Variants in KCND3 observed in about 807,000 individuals in gnomAD.
The protein encoded by KCND3 is potassium voltage-gated channel subfamily D member 3.
Under a neutral mutation model 51.1 loss-of-function variants are expected in KCND3, and 9 were observed. The observed-to-expected ratio is 0.18, with a 90% CI of 0.11 to 0.31. The LOEUF is 0.31. KCND3 is among the 10% of genes least tolerant of loss of function. The pLI is 1.00. For missense variants in KCND3, 526 were observed against 903.8 expected, an observed-to-expected ratio of 0.58 and a Z score of 5.36; for synonymous variants, 349 against 368.0, an observed-to-expected ratio of 0.95 and a Z score of 0.59.
rs76436114 is a variant in KCND3, at chr1:111,772,625, C to A, written c.*3452G>T. 6.6e-6 allele frequency: 1 copy of A among 152,188 alleles called. No homozygotes were observed. Among genetic ancestry groups the A allele is most frequent in the Non-Finnish European group, 1.5e-5 (1 of 68,030 alleles). The allele number at this position is 152,188 out of a possible 1,614,324, so 9.4% of individuals were successfully genotyped here. A position where few individuals can be genotyped will look rare whatever the true frequency, so the allele number is the denominator to read the frequency against. ...TGACCTTGAACAAGTCATTTAATTT[C>A]TCTGGGTCTCAGTTTTCTATACTGT... On this transcript the variant is annotated 3_prime_UTR_variant, in exon 8 of 8. Coordinates refer to ENST00000302127, the MANE Select transcript of KCND3 (RefSeq NM_001378969.1).
chr1:111,775,660 T>C lies in KCND3; in HGVS notation c.*417A>G. The C allele has an allele frequency of 3.6e-6, 1 of 276,656 alleles. No individual in the cohort carries two copies. 17.1% of individuals were successfully genotyped at this position (276,656 alleles called of 1,614,324 possible). A position where few individuals can be genotyped will look rare whatever the true frequency, so the allele number is the denominator to read the frequency against. On this transcript the variant is annotated 3_prime_UTR_variant, in exon 8 of 8. Coordinates refer to ENST00000302127, the MANE Select transcript of KCND3 (RefSeq NM_001378969.1). ...CTTAAATACACAGTGTTATATTTTCTTCCTGTTTTGCTTGTGACAACTTGG... is the reference window on the plus strand; with the variant it reads ...CTTAAATACACAGTGTTATATTTTCCTCCTGTTTTGCTTGTGACAACTTGG...
At chr1:111,974,776 A>C (rs1462759017) in intron 2 of KCND3, among the ~76,000 whole-genome samples, 1 of 152,212 alleles carries the variant, frequency 6.6e-6, no homozygotes, top group Non-Finnish European at 1.5e-5. Flanking sequence ...AAAGAGGGAA[A>C]CCCAAACAAA....
At chr1:111,984,966 A>G (rs890206738) in intron 1 of KCND3, among the ~76,000 whole-genome samples, 22 of 152,198 alleles carry the variant, frequency 1.4e-4, no homozygotes, top group African/African-American at 5.1e-4. Flanking sequence ...AGCTAGGATT[A>G]CACACACTTT....
intron 2 of KCND3, among the ~76,000 whole-genome samples, chr1:111,896,402 T>C (rs770555047): frequency 1.3e-5 from 2 of 152,184 alleles, no homozygotes; most frequent in Non-Finnish European, 2.9e-5. Flanking sequence ...ACATGACATG[T>C]TCTCTGGAAA....
At chr1:111,827,021 T>A (rs762418357) in intron 2 of KCND3, among the ~76,000 whole-genome samples, 5 of 152,228 alleles carry the variant, frequency 3.3e-5, no homozygotes, top group Non-Finnish European at 7.3e-5. Flanking sequence ...CCACTGAGCA[T>A]TTTCTTTGTG....
intron 2 of KCND3, among the ~76,000 whole-genome samples, chr1:111,788,940 C>T (rs987044014): frequency 3.3e-5 from 5 of 152,216 alleles, no homozygotes; most frequent in African/African-American, 1.2e-4. Context: ...CTGAAAACCA[C>T]AGTCTCTGTT....
At chr1:111,923,291 G>C (rs951437749) in intron 2 of KCND3, among the ~76,000 whole-genome samples, 1 of 152,196 alleles carries the variant, frequency 6.6e-6, no homozygotes, top group African/African-American at 2.4e-5. Flanking sequence ...CACAGCATCA[G>C]ACACGACCAG....
At chr1:111,967,160 CAA>C (rs573768056) in intron 2 of KCND3, among the ~76,000 whole-genome samples, 1 of 134,798 alleles carries the variant, frequency 7.4e-6, no homozygotes, top group Non-Finnish European at 1.6e-5. Context: ...AAAACAAAAA[CAA>C]AAAAAAAAAC....
chr1:111,987,027 G>T (rs2102014704), intron 1 of KCND3, among the ~76,000 whole-genome samples: 1 of 152,282 alleles, frequency 6.6e-6, no homozygotes, highest in South Asian at 2.1e-4. Flanking sequence ...GAATCTTGAG[G>T]GGGTTCAAGA....
chr1:111,909,020 C>T (rs558376222), intron 2 of KCND3, among the ~76,000 whole-genome samples: 2 of 146,764 alleles, frequency 1.4e-5, no homozygotes, highest in East Asian at 4.1e-4. Flanking sequence ...TAAACAGTTT[C>T]TATAGGCATC....
intron 2 of KCND3, among the ~76,000 whole-genome samples, chr1:111,812,002 C>T (rs923891180): frequency 6.6e-5 from 10 of 152,280 alleles, no homozygotes; most frequent in Non-Finnish European, 1.5e-4. Flanking sequence ...ACGCCGGGCA[C>T]GTCAGCCTTC....
chr1:111,891,644 T>C (rs1009032859), intron 2 of KCND3, among the ~76,000 whole-genome samples: 1 of 152,166 alleles, frequency 6.6e-6, no homozygotes, highest in African/African-American at 2.4e-5. Flanking sequence ...ATCACATGGG[T>C]TACCAGCAAA....
At chr1:111,884,727 T>G (rs1201830665) in intron 2 of KCND3, among the ~76,000 whole-genome samples, 2 of 152,224 alleles carry the variant, frequency 1.3e-5, no homozygotes, top group African/African-American at 4.8e-5. Context: ...AAAAAAGAAT[T>G]GCATGTTAAT....
At chr1:111,927,274 G>A (rs1424581887) in intron 2 of KCND3, among the ~76,000 whole-genome samples, 1 of 152,172 alleles carries the variant, frequency 6.6e-6, no homozygotes, top group African/African-American at 2.4e-5. Context: ...TGAGGAGCAG[G>A]GCTCCCTCTT....
At chr1:111,960,451 C>A (rs900552794) in intron 2 of KCND3, among the ~76,000 whole-genome samples, 4 of 152,222 alleles carry the variant, frequency 2.6e-5, no homozygotes, top group African/African-American at 4.8e-5. Context: ...GGGTGGGGAA[C>A]TATATGAGCT....
chr1:111,979,528 C>T (rs1674824104), intron 2 of KCND3, among the ~76,000 whole-genome samples: 1 of 152,082 alleles, frequency 6.6e-6, no homozygotes, highest in South Asian at 2.1e-4. Context: ...AGTAATAACC[C>T]TGAAGGTCTG....
intron 2 of KCND3, among the ~76,000 whole-genome samples, chr1:111,838,430 G>A (rs1667169016): frequency 6.6e-6 from 1 of 152,130 alleles, no homozygotes; most frequent in Non-Finnish European, 1.5e-5. Context: ...GGCCAAGGCG[G>A]GCGGATCACG....
rs1006924516 is a variant in KCND3 at position 111,891,959 on chromosome 1, C to CGTGTGTGTCTGT, written c.1106+89650_1106+89661dup. On this transcript the variant is annotated intron_variant, in intron 2 of 7. Transcript: ENST00000302127. Reference sequence around the variant, plus strand: ...ATTTAGCCTGTGTGTGTGTGGTGTGCGTGTGTGTCTGTGTGTGTGTCTGTG... The same window carrying CGTGTGTGTCTGT: ...ATTTAGCCTGTGTGTGTGTGGTGTGCGTGTGTGTCTGTGTGTGTGTCTGTGTGTGTGTCTGTG... Among the ~76,000 whole-genome samples, 10 of 139,212 alleles carry CGTGTGTGTCTGT rather than the reference C, an allele frequency of 7.2e-5. 1 individual carries two copies. In the South Asian group the frequency reaches 2.3e-3, roughly 32 times the overall value. 91.3% of individuals were successfully genotyped at this position (139,212 alleles called of 152,430 possible).
intron 2 of KCND3, among the ~76,000 whole-genome samples, chr1:111,950,622 G>A (rs1212342961): frequency 6.6e-6 from 1 of 152,232 alleles, no homozygotes; most frequent in Non-Finnish European, 1.5e-5. Flanking sequence ...TGAAAGGCAG[G>A]CAGATGAAGG....
Sources: gnomAD v4.1 joint callset for allele counts (sites outside exome capture counted in the v4.1 genomes callset) on GRCh38, gnomAD v4.1.1 for gene constraint, MANE v1.5 for transcripts, NCBI Gene and HGNC (gene_info 2026-07-23, HGNC 2026-07-21) for gene names.